MYO1H: variants seen among roughly 807,000 people sequenced by gnomAD.
The protein encoded by MYO1H is myosin IH.
In MYO1H, 118 loss-of-function variants were observed where a neutral mutation model predicts 149.3. The observed-to-expected ratio is 0.79, with a 90% CI of 0.68 to 0.92. The LOEUF is 0.92. Among genes scored for constraint, MYO1H ranks in the 40% least tolerant of loss-of-function variants. The pLI, the probability that MYO1H is intolerant of heterozygous loss-of-function variation, is 0.00. For missense variants in MYO1H, 1,212 were observed against 1,280.7 expected (o/e 0.95, Z 0.82); for synonymous variants, 447 against 465.2 (o/e 0.96, Z 0.50).
chr12:109,440,953 T>C, intron 25 of MYO1H, 126 bp downstream of exon 25: 1 of 709,832 alleles, frequency 1.4e-6, no homozygotes, highest in South Asian at 1.8e-5. Context: ...TGCTTTGAAA[T>C]GTTCAAGATA....
chr12:109,371,949 T>C (rs1868991776), intron 1 of MYO1H, among the ~76,000 whole-genome samples: 1 of 152,218 alleles, frequency 6.6e-6, no homozygotes, highest in Admixed American at 6.5e-5. Flanking sequence ...AAAGTTGTAT[T>C]TTCTGTGAAT....
At chr12:109,423,639 A>G (rs913380165) in intron 16 of MYO1H, among the ~76,000 whole-genome samples, 1 of 152,096 alleles carries the variant, frequency 6.6e-6, no homozygotes, top group Non-Finnish European at 1.5e-5. Context: ...TTCTACCTCT[A>G]TGAACTTCAG....
intron 17 of MYO1H, among the ~76,000 whole-genome samples, chr12:109,425,200 G>A (rs1333933989): frequency 1.3e-5 from 2 of 152,174 alleles, no homozygotes; most frequent in Non-Finnish European, 2.9e-5. Flanking sequence ...CAGGTGCAGT[G>A]GTGTGCATCC....
At chr12:109,432,435 C>T (rs2135590220) in intron 19 of MYO1H, among the ~76,000 whole-genome samples, 1 of 152,302 alleles carries the variant, frequency 6.6e-6, no homozygotes, top group South Asian at 2.1e-4. Flanking sequence ...AAGCATAGAA[C>T]TTTTTCTTCT....
At chr12:109,443,707 C>T in intron 28 of MYO1H, 58 bp downstream of exon 28, 4 of 1,594,118 alleles carry the variant, frequency 2.5e-6, no homozygotes, top group Non-Finnish European at 3.4e-6. Context: ...ACTGGAAAGC[C>T]CAGTAATGAA....
chr12:109,417,431 C>A (rs1870966379), intron 15 of MYO1H, among the ~76,000 whole-genome samples: 1 of 151,942 alleles, frequency 6.6e-6, no homozygotes, highest in Non-Finnish European at 1.5e-5. Flanking sequence ...GGGTTCACGC[C>A]ATTCTCCTGC....
At chr12:109,443,164 ATG>A (rs1362366588) in intron 27 of MYO1H, among the ~76,000 whole-genome samples, 1 of 141,158 alleles carries the variant, frequency 7.1e-6, no homozygotes, top group African/African-American at 2.9e-5. Flanking sequence ...GTGTGTGTAT[ATG>A]TGTACGTATG....
chr12:109,323,782 T>G, the MYO1H span, among the ~76,000 whole-genome samples: 1 of 152,182 alleles, frequency 6.6e-6, no homozygotes, highest in Non-Finnish European at 1.5e-5. Flanking sequence ...CGTCTATTCC[T>G]TATTGCTTCA....
At chr12:109,381,897 A>AG (rs1176122035) in intron 1 of MYO1H, among the ~76,000 whole-genome samples, 2 of 152,254 alleles carry the variant, frequency 1.3e-5, no homozygotes, top group Non-Finnish European at 2.9e-5. Context: ...AATGATATTA[A>AG]AAACTCATTG....
At chr12:109,387,004 G>A (rs2137030595) in intron 1 of MYO1H, among the ~76,000 whole-genome samples, 1 of 54,852 alleles carries the variant, frequency 1.8e-5, no homozygotes, top group African/African-American at 6.1e-5. Flanking sequence ...TCGTGTGTGT[G>A]TGTGTGTGTG....
exon 32 of MYO1H, chr12:109,447,329 C>G: frequency 1.3e-6 from 1 of 753,840 alleles, no homozygotes; most frequent in Non-Finnish European, 2.3e-6. Context: ...AACTGAGGGG[C>G]GTTAGGCCAA....
At chr12:109,418,452 C>G (rs1302822578) in intron 15 of MYO1H, among the ~76,000 whole-genome samples, 1 of 151,936 alleles carries the variant, frequency 6.6e-6, no homozygotes, top group East Asian at 1.9e-4. Flanking sequence ...GGGGTTCAAG[C>G]GATTCTCCTG....
intron 1 of MYO1H, among the ~76,000 whole-genome samples, chr12:109,386,018 G>A (rs952098701): frequency 6.6e-6 from 1 of 152,108 alleles, no homozygotes; most frequent in African/African-American, 2.4e-5. Flanking sequence ...AATGTCATTT[G>A]CCTGACAACT....
At chr12:109,324,033 T>C in the MYO1H span, among the ~76,000 whole-genome samples, 2 of 149,362 alleles carry the variant, frequency 1.3e-5, no homozygotes, top group African/African-American at 4.9e-5. Flanking sequence ...AAAAAAGTGT[T>C]CAACAGAGCT....
At chr12:109,409,687 T>A in intron 11 of MYO1H, 63 bp downstream of exon 11, 4 of 1,329,244 alleles carry the variant, frequency 3.0e-6, no homozygotes, top group Non-Finnish European at 4.3e-6. Flanking sequence ...AGTCGAGATT[T>A]AAATCTTTCG....
At chr12:109,427,938 TAGA>T (rs1871448883) in intron 19 of MYO1H, among the ~76,000 whole-genome samples, 1 of 60,298 alleles carries the variant, frequency 1.7e-5, no homozygotes, top group Non-Finnish European at 3.1e-5. Flanking sequence ...ATATATATAT[TAGA>T]TGGGTGTGGT....
rs544497230 is a variant in MYO1H, at chr12:109,427,818, G to A, written c.1949+232G>A. 9.3e-4 allele frequency among the ~76,000 whole-genome samples: 129 copies of A among 138,944 alleles called. 1 individual carries two copies. The highest frequency in any genetic ancestry group is 6.4e-4 in the Non-Finnish European group (42 of 65,164). The allele number at this position is 138,944 out of a possible 152,430, so 91.2% of individuals were successfully genotyped here. Reference sequence around the variant, plus strand: ...CCAGCATTTTGGGAGGCCGAGGTGGGAGGATTGCTTGAGGCCAGGAGTTCG... The same window carrying A: ...CCAGCATTTTGGGAGGCCGAGGTGGAAGGATTGCTTGAGGCCAGGAGTTCG... On this transcript the variant is annotated intron_variant, in intron 19 of 31. Transcript: ENST00000310903.
the MYO1H span, among the ~76,000 whole-genome samples, chr12:109,323,536 A>G: frequency 6.6e-6 from 1 of 152,200 alleles, no homozygotes; most frequent in Non-Finnish European, 1.5e-5. Context: ...AGGTCCCTTG[A>G]GGATCTTATT....
At chr12:109,327,754 A>AAAG in the MYO1H span, among the ~76,000 whole-genome samples, 45 of 150,708 alleles carry the variant, frequency 3.0e-4, no homozygotes, top group African/African-American at 6.1e-4. Context: ...AAAAAAAAAA[A>AAAG]AAAGAAAGAA....
Sources: allele counts gnomAD v4.1 joint callset (sites outside exome capture counted in the v4.1 genomes callset), GRCh38; gene constraint gnomAD v4.1.1; transcripts MANE v1.5; gene names NCBI Gene and HGNC (gene_info 2026-07-23, HGNC 2026-07-21).